Variants in ATP2B2 observed in about 807,000 individuals in gnomAD.
ATP2B2 encodes the protein ATPase plasma membrane Ca2+ transporting 2.
ATP2B2 carries 15 observed loss-of-function variants against 120.0 expected under a neutral mutation model. That is an observed-to-expected ratio of 0.12 (90% CI 0.08 to 0.19). The LOEUF (loss-of-function observed/expected upper bound fraction) is 0.19. ATP2B2 is among the 10% of genes least tolerant of loss of function. The pLI is 1.00. For synonymous variants in ATP2B2, 694 were observed against 700.3 expected, an observed-to-expected ratio of 0.99 and a Z score of 0.14; for missense variants, 1,045 against 1,719.8, an observed-to-expected ratio of 0.61 and a Z score of 6.94.
At chr3:10,465,991 G>A (rs1171336598) in intron 1 of ATP2B2, among the ~76,000 whole-genome samples, 7 of 152,212 alleles carry the variant, frequency 4.6e-5, no homozygotes, top group Non-Finnish European at 1.0e-4. Flanking sequence ...GCTCAGAAGA[G>A]GCCCTGACTC....
chr3:10,602,352 A>G (rs1480715998), intron 2 of ATP2B2, among the ~76,000 whole-genome samples: 1 of 152,070 alleles, frequency 6.6e-6, no homozygotes, highest in African/African-American at 2.4e-5. Context: ...CTCGCTTTCC[A>G]CAGAGTGTGT....
At chr3:10,691,565 TTC>T (rs1319365348) in intron 1 of ATP2B2, among the ~76,000 whole-genome samples, 1 of 152,218 alleles carries the variant, frequency 6.6e-6, no homozygotes, top group East Asian at 1.9e-4. Flanking sequence ...CGTTCACCTC[TTC>T]TGTTTCTCCA....
chr3:10,521,968 GTGTTTGGAC>G (rs1479365775), intron 3 of ATP2B2, among the ~76,000 whole-genome samples: 10 of 152,222 alleles, frequency 6.6e-5, no homozygotes, highest in African/African-American at 2.4e-4. Context: ...AGGCAGGGCA[GTGTTTGGAC>G]TTCAACCCAC....
In ATP2B2 at chr3:10,375,591, C is replaced by T; in HGVS notation, c.1255G>A (p.Asp419Asn). 2 of 1,613,816 alleles carry T rather than the reference C, an allele frequency of 1.2e-6. No homozygotes were observed. Among genetic ancestry groups the T allele is most frequent in the Non-Finnish European group, 8.5e-7 (1 of 1,180,038 alleles). The change falls in exon 11 of 23, where the codon GAC (aspartate) becomes AAC (asparagine). Residue 419 changes from aspartate to asparagine, a missense_variant. Physicochemically the swap from Asp to Asn is conservative, Grantham distance 23 (BLOSUM62 1). This residue lies in a region of ATP2B2 where 343 missense variants were observed against 536.8 expected (regional missense o/e 0.64). Transcript: ENST00000360273. The surrounding 1 kb of genome is among the most constrained non-coding windows in gnomAD (Gnocchi z 4.2). The stretch of plus-strand genomic sequence containing the variant: ...GGCTTCTTGTTGACCACGAAGGTGT[C>T]CACAGTGAAGTAGAGCACCAGGATG... ...VIILVLYFTV[D>N]TFVVNKKPWL...
intron 1 of ATP2B2, among the ~76,000 whole-genome samples, chr3:10,469,737 AGT>A: frequency 6.6e-6 from 1 of 152,176 alleles, no homozygotes. Flanking sequence ...ACCCTGAGAA[AGT>A]GGGTTCCAAG....
At chr3:10,331,941 T>G (rs779171750) in intron 22 of ATP2B2, 860 of 1,528,078 alleles carry the variant, frequency 5.6e-4, no homozygotes, top group Admixed American at 1.0e-3. Flanking sequence ...AGTCTGGGAT[T>G]GATTCACATT....
At chr3:10,420,361 CT>C (rs57911821) in intron 2 of ATP2B2, among the ~76,000 whole-genome samples, 52,195 of 139,714 alleles carry the variant, frequency 0.37, 9,754 homozygotes, top group East Asian at 0.66. Flanking sequence ...CTTGGTTTCA[CT>C]TTTTTTTTTT....
At chr3:10,504,640 G>A (rs555803602) in intron 1 of ATP2B2, among the ~76,000 whole-genome samples, 2 of 152,226 alleles carry the variant, frequency 1.3e-5, no homozygotes, top group South Asian at 4.2e-4. Context: ...CTAGAAAGGG[G>A]TTGCTGCTGT....
Position 10,326,852 on chromosome 3 carries a change from C to A in ATP2B2, c.*1962G>T. The A allele has an allele frequency of 2.5e-6, 1 of 399,004 alleles. No homozygotes were observed. Among genetic ancestry groups the A allele is most frequent in the Middle Eastern group, 6.3e-4 (1 of 1,588 alleles). 24.7% of individuals were successfully genotyped at this position (399,004 alleles called of 1,614,324 possible). A position where few individuals can be genotyped will look rare whatever the true frequency, so the allele number is the denominator to read the frequency against. ...TGTAGGCCCTCCCAGTTGACTATGG[C>A]TCTTTTCCCGAGTGGCTCTCATCTT... is the stretch of plus-strand genomic sequence containing the variant. On this transcript the variant is annotated 3_prime_UTR_variant, in exon 23 of 23. Coordinates refer to ENST00000360273, the MANE Select transcript of ATP2B2 (RefSeq NM_001001331.4).
In ATP2B2 at chr3:10,410,740, G is replaced by T; in HGVS notation, c.275C>A (p.Pro92Gln). 1 of 1,614,182 alleles carries T rather than the reference G, an allele frequency of 6.2e-7. No homozygotes were observed. The highest frequency in any genetic ancestry group is 1.3e-5 in the African/African-American group (1 of 75,050). Residue 92 changes from proline to glutamine, a missense_variant, in exon 3 of 23, where the codon CCA becomes CAA. Transcript: ENST00000360273. ...CCACACGAGCTGCAGGAAGGTTTTT[G>T]GCTTCTTTGGAGGTATAAAGTTTTG... ...FGQNFIPPKK[P>Q]KTFLQLVWEA... is the part of the protein sequence containing the mutation.
intron 14 of ATP2B2, among the ~76,000 whole-genome samples, chr3:10,353,613 CT>C (rs2060636845): frequency 2.0e-5 from 3 of 152,266 alleles, no homozygotes; most frequent in South Asian, 4.2e-4. Flanking sequence ...GCACTGGGAA[CT>C]GTGGGAAGTT....
intron 1 of ATP2B2, among the ~76,000 whole-genome samples, chr3:10,620,835 C>T (rs1006766329): frequency 1.3e-5 from 2 of 152,138 alleles, no homozygotes; most frequent in South Asian, 2.1e-4. Context: ...CCCTACCAGC[C>T]ACCTCCCTGG....
chr3:10,388,448 CG>C, intron 5 of ATP2B2, 46 bp from the exon 6 acceptor site: 2 of 1,613,652 alleles, frequency 1.2e-6, no homozygotes, highest in Non-Finnish European at 8.5e-7. Flanking sequence ...TGGTTGAAGC[CG>C]TCTCCCCAAA....
At position 10,340,234 on chromosome 3, in the gene ATP2B2, G is replaced by T; in HGVS notation, c.3237+8C>A. 2.5e-6 allele frequency: 4 copies of T among 1,613,686 alleles called. No individual in the cohort carries two copies. The highest frequency in any genetic ancestry group is 1.1e-5 in the South Asian group (1 of 90,976). On this transcript the variant is annotated splice_region_variant and intron_variant, in intron 21 of 22. Coordinates refer to ENST00000360273, the MANE Select transcript of ATP2B2 (RefSeq NM_001001331.4). The surrounding 1 kb of genome is among the most constrained non-coding windows in gnomAD (Gnocchi z 5.0). ...ACAGGCACCTCCTGCGACCTACCAG[G>T]AACTTACCTGGCCCCAAACGAGCTC...
intron 1 of ATP2B2, among the ~76,000 whole-genome samples, chr3:10,651,194 T>C (rs921544864): frequency 3.3e-5 from 5 of 152,178 alleles, no homozygotes; most frequent in African/African-American, 1.2e-4. Context: ...TGGGGGACTG[T>C]TGAGAAGGCA....
chr3:10,661,659 A>C (rs2070784008), intron 1 of ATP2B2, among the ~76,000 whole-genome samples: 1 of 152,246 alleles, frequency 6.6e-6, no homozygotes, highest in African/African-American at 2.4e-5. Context: ...AATATCGTGA[A>C]AATGGCCATA....
At chr3:10,511,876 C>T (rs545813433) in intron 3 of ATP2B2, among the ~76,000 whole-genome samples, 17 of 152,234 alleles carry the variant, frequency 1.1e-4, no homozygotes, top group South Asian at 4.2e-4. Context: ...CTAACATTGA[C>T]GTGTGTGTGT....
At chr3:10,678,973 G>C (rs565800223) in intron 1 of ATP2B2, among the ~76,000 whole-genome samples, 3 of 152,130 alleles carry the variant, frequency 2.0e-5, no homozygotes, top group Non-Finnish European at 2.9e-5. Context: ...ATTGTTGTAG[G>C]TGGGCCTGAC....
chr3:10,385,332 A>T lies in ATP2B2; in HGVS notation c.941-5T>A, dbSNP rs1575081770. ...AAGCTGCCGCACCGTCTGCTGCTGC[A>T]GGGGGGTGGGAGGGATGGAAAATGC... On this transcript the variant is annotated splice_region_variant and splice_polypyrimidine_tract_variant and intron_variant, in intron 7 of 22. Coordinates refer to ENST00000360273, the MANE Select transcript of ATP2B2 (RefSeq NM_001001331.4). 1 of 1,612,654 alleles carries T rather than the reference A, an allele frequency of 6.2e-7. No homozygotes were observed. Among genetic ancestry groups the T allele is most frequent in the Admixed American group, 1.7e-5 (1 of 59,964 alleles).
Sources: gnomAD v4.1 joint callset for allele counts (sites outside exome capture counted in the v4.1 genomes callset) on GRCh38, gnomAD v4.1.1 for gene constraint, gnomAD v4.1.1 regional missense constraint, Gnocchi (gnomAD v3.1) non-coding constraint, MANE v1.5 for transcripts, NCBI Gene and HGNC (gene_info 2026-07-23, HGNC 2026-07-21) for gene names.